MYT1L: variants seen among roughly 807,000 people sequenced by gnomAD.
MYT1L encodes the protein myelin transcription factor 1-like protein.
In MYT1L, 12 loss-of-function variants were observed where a neutral mutation model predicts 126.7. The observed-to-expected ratio is 0.09, with a 90% CI of 0.06 to 0.15. The LOEUF is 0.15. Ranked by LOEUF, MYT1L falls within the 10% of genes least tolerant of loss-of-function variation. The probability of loss-of-function intolerance (pLI) is 1.00; values close to 1 mark genes in which losing one functional copy is unlikely to be tolerated. For synonymous variants in MYT1L, 541 were observed against 604.2 expected (o/e 0.90, Z 1.53); for missense variants, 979 against 1,585.2 (o/e 0.62, Z 6.49).
At chr2:2,170,867 C>G (rs1398091527) in intron 3 of MYT1L, among the ~76,000 whole-genome samples, 1 of 152,098 alleles carries the variant, frequency 6.6e-6, no homozygotes, top group East Asian at 1.9e-4. Flanking sequence ...TACCATAGCC[C>G]CGAAAGTGAG....
intron 8 of MYT1L, among the ~76,000 whole-genome samples, chr2:1,963,876 C>G (rs982145265): frequency 2.0e-5 from 3 of 152,210 alleles, no homozygotes; most frequent in Non-Finnish European, 2.9e-5. Context: ...GCAATAGGCT[C>G]TCTCACTTTC....
At chr2:2,231,835 C>T (rs1048130513) in intron 2 of MYT1L, among the ~76,000 whole-genome samples, 1 of 152,134 alleles carries the variant, frequency 6.6e-6, no homozygotes, top group Non-Finnish European at 1.5e-5. Context: ...GATAACTCCT[C>T]CCAGATAACT....
chr2:2,243,802 T>G (rs188634743), intron 2 of MYT1L, among the ~76,000 whole-genome samples: 70 of 152,334 alleles, frequency 4.6e-4, no homozygotes, highest in Non-Finnish European at 2.1e-4. Context: ...TTTTGGCATC[T>G]GATTGTTAGA....
chr2:2,143,289 CAAAA>C (rs781544456), intron 3 of MYT1L, among the ~76,000 whole-genome samples: 2 of 55,016 alleles, frequency 3.6e-5, no homozygotes, highest in East Asian at 5.5e-4. Flanking sequence ...GACTCCGTCT[CAAAA>C]AAAAAAAAAA....
At chr2:2,184,861 G>C (rs899339884) in intron 2 of MYT1L, among the ~76,000 whole-genome samples, 5 of 152,312 alleles carry the variant, frequency 3.3e-5, no homozygotes, top group African/African-American at 9.6e-5. Context: ...TACCCAGAAA[G>C]GGACCCGCCA....
rs1256636569 is a variant in MYT1L at position 1,900,633 on chromosome 2, G to T, written c.2032+2447C>A. Among the ~76,000 whole-genome samples, 3 of 152,196 alleles carry T rather than the reference G, an allele frequency of 2.0e-5. No individual in the cohort carries two copies. The East Asian group carries it at 5.8e-4, about 29-fold the overall frequency. On this transcript the variant is annotated intron_variant, in intron 14 of 24. Coordinates refer to ENST00000647738, the MANE Select transcript of MYT1L (RefSeq NM_001303052.2). ...TTAAAATCTGTCAGATGAGTCTAGT[G>T]AAATGGAAGCAGAGTGTCACTAAAA...
chr2:2,223,460 C>G (rs2093931815), intron 2 of MYT1L, among the ~76,000 whole-genome samples: 1 of 152,164 alleles, frequency 6.6e-6, no homozygotes, highest in African/African-American at 2.4e-5. Context: ...ACTTCTTAAT[C>G]TTTCTTTTTT....
At chr2:1,840,921 T>TA in intron 19 of MYT1L, 78 bp from the exon 20 acceptor site, 2 of 931,652 alleles carry the variant, frequency 2.1e-6, no homozygotes, top group Non-Finnish European at 1.6e-6. Context: ...TTTTTTTTTT[T>TA]GAGACAGAGT....
chr2:1,956,191 G>A (rs62116699), intron 8 of MYT1L, among the ~76,000 whole-genome samples: 2 of 145,876 alleles, frequency 1.4e-5, no homozygotes, highest in South Asian at 2.2e-4. Flanking sequence ...TTACCTAGCT[G>A]TCTATCTATC....
At chr2:2,247,564 C>T (rs1285194876) in intron 2 of MYT1L, among the ~76,000 whole-genome samples, 1 of 152,096 alleles carries the variant, frequency 6.6e-6, no homozygotes, top group Non-Finnish European at 1.5e-5. Flanking sequence ...CATTGAATGG[C>T]TACAGAATAC....
At chr2:1,830,875 G>T (rs1413585736) in intron 21 of MYT1L, among the ~76,000 whole-genome samples, 2 of 152,200 alleles carry the variant, frequency 1.3e-5, no homozygotes, top group African/African-American at 2.4e-5. Context: ...CAGCCCCTTG[G>T]TGGCTGGTGG....
At chr2:1,855,015 C>G (rs916561763) in intron 18 of MYT1L, among the ~76,000 whole-genome samples, 6 of 152,168 alleles carry the variant, frequency 3.9e-5, no homozygotes, top group Non-Finnish European at 8.8e-5. Context: ...GCTTCTAGAC[C>G]ACATAAGGCA....
intron 2 of MYT1L, among the ~76,000 whole-genome samples, chr2:2,202,787 C>A (rs570815440): frequency 6.6e-5 from 10 of 152,258 alleles, no homozygotes; most frequent in Admixed American, 6.5e-4. Context: ...CCAACATCAT[C>A]CTGATACCAA....
rs537997695 is a variant in MYT1L, at chr2:1,845,081, C to T, written c.2775-4238G>A. 4.0e-5 allele frequency among the ~76,000 whole-genome samples: 6 copies of T among 151,754 alleles called. No individual in the cohort carries two copies. In the South Asian group the frequency reaches 1.3e-3, roughly 32 times the overall value. On this transcript the variant is annotated intron_variant, in intron 19 of 24. Coordinates refer to ENST00000647738, the MANE Select transcript of MYT1L (RefSeq NM_001303052.2). ...GAAGCCTCCGCCTCCCAGATTCAAA[C>T]GATTCTCCTGCCTCGGCCTCCTGAG...
At chr2:1,915,966 C>T (rs544796500) in intron 11 of MYT1L, among the ~76,000 whole-genome samples, 83 of 152,248 alleles carry the variant, frequency 5.5e-4, no homozygotes, top group South Asian at 2.5e-3. Flanking sequence ...AGCTGCGTCC[C>T]AGCACCAAGT....
At chr2:2,233,015 C>T (rs1474266109) in intron 2 of MYT1L, among the ~76,000 whole-genome samples, 2 of 152,178 alleles carry the variant, frequency 1.3e-5, no homozygotes, top group Non-Finnish European at 2.9e-5. Flanking sequence ...GATGTAAAAA[C>T]GTTCAGGAAG....
intron 1 of MYT1L, among the ~76,000 whole-genome samples, chr2:2,328,518 G>A (rs1294314671): frequency 2.0e-5 from 3 of 151,946 alleles, no homozygotes; most frequent in African/African-American, 7.3e-5. Context: ...ACAAATCATT[G>A]GGCCTTTACC....
At chr2:2,187,306 A>G (rs2148704906) in intron 2 of MYT1L, among the ~76,000 whole-genome samples, 1 of 152,288 alleles carries the variant, frequency 6.6e-6, no homozygotes, top group East Asian at 1.9e-4. Context: ...CTGGCACTCC[A>G]GCAATCACGG....
chr2:2,263,292 G>A (rs1369619366), intron 2 of MYT1L, among the ~76,000 whole-genome samples: 1 of 151,852 alleles, frequency 6.6e-6, no homozygotes, highest in Non-Finnish European at 1.5e-5. Flanking sequence ...GGCAGAGAGC[G>A]AGGAGGGCCA....
Sources: gnomAD v4.1 joint callset for allele counts (sites outside exome capture counted in the v4.1 genomes callset) on GRCh38, gnomAD v4.1.1 for gene constraint, MANE v1.5 for transcripts, NCBI Gene and HGNC (gene_info 2026-07-23, HGNC 2026-07-21) for gene names.